The following SEMA5A variants were observed in gnomAD, a reference collection of about 807,000 sequenced individuals.
The protein encoded by SEMA5A is semaphorin-5A.
Under a neutral mutation model 135.5 loss-of-function variants are expected in SEMA5A, and 55 were observed. The observed-to-expected ratio is 0.41, with a 90% CI of 0.33 to 0.51. The LOEUF is 0.51. Among genes scored for constraint, SEMA5A ranks in the 20% least tolerant of loss-of-function variants. SEMA5A has a pLI of 0.37. For synonymous variants in SEMA5A, 580 were observed against 546.5 expected, an observed-to-expected ratio of 1.06 and a Z score of -0.85; for missense variants, 1,290 against 1,419.9, an observed-to-expected ratio of 0.91 and a Z score of 1.47.
chr5:9,245,433 A>G (rs1354561885), intron 5 of SEMA5A, among the ~76,000 whole-genome samples: 1 of 152,228 alleles, frequency 6.6e-6, no homozygotes, highest in East Asian at 1.9e-4. Context: ...ATACTAAGTC[A>G]TTAGAAAAAT....
intron 8 of SEMA5A, among the ~76,000 whole-genome samples, chr5:9,207,131 T>C (rs968556298): frequency 7.3e-6 from 1 of 137,478 alleles, no homozygotes; most frequent in African/African-American, 2.6e-5. Flanking sequence ...TATATATATA[T>C]ATAAAGCTTA....
At chr5:9,136,380 G>A (rs950625584) in intron 13 of SEMA5A, 124 bp downstream of exon 13, 2 of 741,260 alleles carry the variant, frequency 2.7e-6, no homozygotes, top group Admixed American at 2.2e-5. Context: ...AGCACAGACT[G>A]GGTTTGCAAA....
intron 4 of SEMA5A, among the ~76,000 whole-genome samples, chr5:9,330,777 T>C (rs1350546376): frequency 1.3e-5 from 2 of 152,068 alleles, no homozygotes; most frequent in Admixed American, 6.6e-5. Flanking sequence ...ATAAAGGACA[T>C]ACCTGTGCAT....
At chr5:9,393,320 T>C (rs1198428204) in intron 2 of SEMA5A, among the ~76,000 whole-genome samples, 3 of 152,230 alleles carry the variant, frequency 2.0e-5, no homozygotes, top group Non-Finnish European at 4.4e-5. Flanking sequence ...TTAAATACTG[T>C]TGCTGGATGC....
intron 17 of SEMA5A, among the ~76,000 whole-genome samples, chr5:9,064,057 C>T (rs1028301252): frequency 2.0e-5 from 3 of 152,202 alleles, no homozygotes; most frequent in African/African-American, 7.2e-5. Context: ...AGTGTGCCAA[C>T]AGCTCTCAGT....
intron 1 of SEMA5A, among the ~76,000 whole-genome samples, chr5:9,444,234 T>A (rs767568590): frequency 6.6e-6 from 1 of 152,112 alleles, no homozygotes; most frequent in Non-Finnish European, 1.5e-5. Context: ...TTTGGTTACA[T>A]GAGTAAGTGT....
chr5:9,542,698 T>C (rs1738159625), intron 1 of SEMA5A, among the ~76,000 whole-genome samples: 1 of 152,206 alleles, frequency 6.6e-6, no homozygotes, highest in African/African-American at 2.4e-5. Context: ...TCAAGAATTA[T>C]GGAGGATTTA....
chr5:9,202,302 C>A (rs1028653081), intron 8 of SEMA5A, 62 bp from the exon 9 acceptor site: 3 of 1,550,418 alleles, frequency 1.9e-6, no homozygotes, highest in Non-Finnish European at 2.6e-6. Flanking sequence ...TTTGGTCTTG[C>A]CTGCTCAGTA....
At chr5:9,424,235 C>T (rs1757567647) in intron 2 of SEMA5A, among the ~76,000 whole-genome samples, 1 of 152,162 alleles carries the variant, frequency 6.6e-6, no homozygotes, top group Non-Finnish European at 1.5e-5. Flanking sequence ...TTGTAAGAGT[C>T]TGATCTTATT....
At chr5:9,128,571 G>A (rs1012269363) in intron 13 of SEMA5A, among the ~76,000 whole-genome samples, 1 of 152,122 alleles carries the variant, frequency 6.6e-6, no homozygotes, top group African/African-American at 2.4e-5. Context: ...CCCTGAAACT[G>A]CTGCCTCACG....
chr5:9,539,996 T>C (rs539418866), intron 1 of SEMA5A, among the ~76,000 whole-genome samples: 1 of 152,322 alleles, frequency 6.6e-6, no homozygotes, highest in South Asian at 2.1e-4. Flanking sequence ...TTTCTCTAAA[T>C]AAAGAATATA....
intron 2 of SEMA5A, among the ~76,000 whole-genome samples, chr5:9,436,377 G>A (rs932059796): frequency 1.3e-5 from 2 of 152,176 alleles, no homozygotes; most frequent in African/African-American, 4.8e-5. Flanking sequence ...CTGAATCTAC[G>A]TGGGCTGGAG....
chr5:9,068,505 G>A (rs532774679), intron 16 of SEMA5A, among the ~76,000 whole-genome samples: 128 of 152,254 alleles, frequency 8.4e-4, no homozygotes, highest in Middle Eastern at 3.4e-3. Flanking sequence ...GCCGTTCTCA[G>A]TTCTGAAGCA....
At chr5:9,184,557 C>T (rs979578901) in intron 11 of SEMA5A, among the ~76,000 whole-genome samples, 1 of 152,334 alleles carries the variant, frequency 6.6e-6, no homozygotes, top group Non-Finnish European at 1.5e-5. Context: ...ACATTTTCCA[C>T]CTTAATCACT....
chr5:9,480,756 A>G (rs1424450505), intron 1 of SEMA5A, among the ~76,000 whole-genome samples: 1 of 152,076 alleles, frequency 6.6e-6, no homozygotes, highest in African/African-American at 2.4e-5. Flanking sequence ...TGCAAATTAG[A>G]GGTGTCAGCA....
chr5:9,291,268 A>AT (rs1490934182), intron 5 of SEMA5A, among the ~76,000 whole-genome samples: 12 of 152,278 alleles, frequency 7.9e-5, no homozygotes, highest in African/African-American at 2.6e-4. Flanking sequence ...CACTTCGCGG[A>AT]TGGTCCCAGC....
Position 9,041,823 on chromosome 5 carries a change from G to A in SEMA5A, c.*1074C>T, listed in dbSNP as rs786840. 0.67 allele frequency: 102,596 copies of A among 152,636 alleles called. 36,267 individuals are homozygous for A. The highest frequency in any genetic ancestry group is 0.93 in the East Asian group (4,808 of 5,174). The allele number at this position is 152,636 out of a possible 1,614,324, so 9.5% of individuals were successfully genotyped here. On this transcript the variant is annotated 3_prime_UTR_variant, in exon 23 of 23. Transcript: ENST00000382496. Reference sequence around the variant, plus strand: ...CCAGCTTTACATGGTATTAATGCTCGTGGTAGGGGCTGATTGCCACACATT... The same window carrying A: ...CCAGCTTTACATGGTATTAATGCTCATGGTAGGGGCTGATTGCCACACATT...
chr5:9,146,541 G>A (rs567029889), intron 12 of SEMA5A, among the ~76,000 whole-genome samples: 1 of 152,212 alleles, frequency 6.6e-6, no homozygotes, highest in Non-Finnish European at 1.5e-5. Context: ...TAATTGGAGA[G>A]GAACATTAGG....
intron 8 of SEMA5A, among the ~76,000 whole-genome samples, chr5:9,222,245 G>T (rs1747046881): frequency 6.6e-6 from 1 of 152,234 alleles, no homozygotes; most frequent in Non-Finnish European, 1.5e-5. Flanking sequence ...AGAACCTAGT[G>T]TGGTTAGAGA....
Sources: allele counts gnomAD v4.1 joint callset (sites outside exome capture counted in the v4.1 genomes callset), GRCh38; gene constraint gnomAD v4.1.1; transcripts MANE v1.5; gene names NCBI Gene and HGNC (gene_info 2026-07-23, HGNC 2026-07-21).